Variants in PSMC2 observed in about 807,000 individuals in gnomAD.
The protein encoded by PSMC2 is 26S proteasome regulatory subunit 7.
In PSMC2, 7 loss-of-function variants were observed where a neutral mutation model predicts 53.3. The ratio of observed to expected loss-of-function variants is 0.13; its 90% CI spans 0.07 to 0.25. The LOEUF is 0.25. PSMC2 is among the 10% of genes least tolerant of loss of function. The pLI, the probability that PSMC2 is intolerant of heterozygous loss-of-function variation, is 1.00. For missense variants in PSMC2, 241 were observed against 544.0 expected (o/e 0.44, Z 5.54); for synonymous variants, 169 against 183.9 (o/e 0.92, Z 0.66).
chr7:103,357,593 C>T (rs1820109916), intron 4 of PSMC2, among the ~76,000 whole-genome samples: 1 of 152,144 alleles, frequency 6.6e-6, no homozygotes, highest in Non-Finnish European at 1.5e-5. Context: ...GAAGGCACAC[C>T]TTTCCTATCC....
At position 103,363,325 on chromosome 7, in the gene PSMC2, A is replaced by G. The variant is rs1212665031; in HGVS notation, c.496-19A>G. 1.3e-6 allele frequency: 2 copies of G among 1,583,998 alleles called. No homozygotes were observed. Among genetic ancestry groups the G allele is most frequent in the South Asian group, 2.2e-5 (2 of 90,436 alleles). On this transcript the variant is annotated intron_variant, in intron 6 of 11. Transcript: ENST00000292644. ...AAAAGCCTGTGACTGTATGTTGTAC[A>G]TTTCTGTCCCTCTCTTAGGTGGAAG...
At chr7:103,361,540 C>T (rs1401169644) in intron 4 of PSMC2, among the ~76,000 whole-genome samples, 3 of 132,396 alleles carry the variant, frequency 2.3e-5, no homozygotes, top group African/African-American at 8.7e-5. Context: ...AAAAGAAAAA[C>T]GGATTTAAAG....
intron 8 of PSMC2, among the ~76,000 whole-genome samples, chr7:103,365,372 C>T (rs969777167): frequency 2.0e-5 from 3 of 152,178 alleles, no homozygotes; most frequent in African/African-American, 7.2e-5. Flanking sequence ...TGGCTCATGC[C>T]TGTAATCCTA....
chr7:103,368,936 T>TA lies in PSMC2; in HGVS notation c.*886dup, dbSNP rs1434388989. The TA allele has an allele frequency of 6.6e-6, 1 of 152,172 alleles. No homozygotes were observed. The allele number at this position is 152,172 out of a possible 1,614,324, so 9.4% of individuals were successfully genotyped here. ...TATATTAGAATCCTCAACATCTCTT[T>TA]AAAATTACCTCCTGTGTAACCACCA... On this transcript the variant is annotated 3_prime_UTR_variant, in exon 12 of 12. Coordinates refer to ENST00000292644, the MANE Select transcript of PSMC2 (RefSeq NM_002803.4).
chr7:103,351,490 T>G (rs929652596), intron 1 of PSMC2, among the ~76,000 whole-genome samples: 1 of 152,236 alleles, frequency 6.6e-6, no homozygotes, highest in East Asian at 1.9e-4. Context: ...GTTGGTAATG[T>G]AGGCATCTCT....
intron 8 of PSMC2, among the ~76,000 whole-genome samples, chr7:103,365,253 A>T (rs1419962828): frequency 6.6e-6 from 1 of 152,142 alleles, no homozygotes; most frequent in East Asian, 1.9e-4. Context: ...TTTAATAGAT[A>T]CAGAATCATG....
intron 1 of PSMC2, among the ~76,000 whole-genome samples, chr7:103,349,183 A>G (rs1363742398): frequency 1.3e-5 from 2 of 152,026 alleles, no homozygotes; most frequent in African/African-American, 4.8e-5. Context: ...ACCCTTCTCC[A>G]TTTACACTGT....
At chr7:103,353,849 C>T in intron 1 of PSMC2, 72 bp from the exon 2 acceptor site, 6 of 1,283,238 alleles carry the variant, frequency 4.7e-6, no homozygotes, top group Non-Finnish European at 1.1e-6. Context: ...AGAAAAAAAG[C>T]TCTAGTTTCT....
At position 103,358,592 on chromosome 7, in the gene PSMC2, G is replaced by A. The variant is rs1480114879; in HGVS notation, c.290+2799G>A. ...TTTTTTTCCTCCCATTTTTCTTCTC[G>A]TAGGTTTTTAATTTCTCAGGTAAAA... is the stretch of plus-strand genomic sequence containing the variant. On this transcript the variant is annotated intron_variant, in intron 4 of 11. Coordinates refer to ENST00000292644, the MANE Select transcript of PSMC2 (RefSeq NM_002803.4). 3.3e-5 allele frequency among the ~76,000 whole-genome samples: 5 copies of A among 150,522 alleles called. No individual in the cohort carries two copies. In the East Asian group the frequency reaches 7.7e-4, roughly 23 times the overall value.
intron 2 of PSMC2, among the ~76,000 whole-genome samples, chr7:103,354,224 G>A (rs1471439772): frequency 2.0e-5 from 3 of 152,014 alleles, no homozygotes; most frequent in South Asian, 2.1e-4. Context: ...AATACTATTC[G>A]TGATTAAAAT....
intron 4 of PSMC2, among the ~76,000 whole-genome samples, chr7:103,356,170 A>C (rs1011538080): frequency 6.7e-6 from 1 of 150,280 alleles, no homozygotes; most frequent in African/African-American, 2.4e-5. Context: ...TTTTTTTTAG[A>C]TATAACTACA....
At chr7:103,354,430 G>A (rs900775734) in intron 2 of PSMC2, among the ~76,000 whole-genome samples, 4 of 148,656 alleles carry the variant, frequency 2.7e-5, no homozygotes, top group African/African-American at 5.0e-5. Context: ...GTGCAATGGC[G>A]CGATCTTGGT....
chr7:103,353,237 T>C (rs1819827762), intron 1 of PSMC2, among the ~76,000 whole-genome samples: 3 of 152,226 alleles, frequency 2.0e-5, no homozygotes, highest in African/African-American at 7.2e-5. Flanking sequence ...CCTGATTCAC[T>C]GAATAGCATT....
chr7:103,348,360 A>G (rs1048174355), intron 1 of PSMC2, among the ~76,000 whole-genome samples: 7 of 152,086 alleles, frequency 4.6e-5, no homozygotes, highest in Non-Finnish European at 8.8e-5. Context: ...GTGCTTATCT[A>G]TTCCTTTTTT....
Position 103,355,802 on chromosome 7 carries a change from G to A in PSMC2, c.290+9G>A. The A allele has an allele frequency of 1.3e-6, 2 of 1,595,138 alleles. No homozygotes were observed. Among genetic ancestry groups the A allele is most frequent in the Non-Finnish European group, 1.7e-6 (2 of 1,164,266 alleles). ...CCTTTACAGGTTGCCAGGTATGCAC[G>A]GGTGCTCTGTGGCAACTTACCTTTG... On this transcript the variant is annotated intron_variant, in intron 4 of 11. Coordinates refer to ENST00000292644, the MANE Select transcript of PSMC2 (RefSeq NM_002803.4).
chr7:103,354,390 C>T (rs1372686593), intron 2 of PSMC2, among the ~76,000 whole-genome samples: 5 of 113,144 alleles, frequency 4.4e-5, no homozygotes, highest in African/African-American at 6.8e-5. Context: ...TTTTTTGAAA[C>T]GGAGTGTTGC....
intron 2 of PSMC2, 94 bp from the exon 3 acceptor site, chr7:103,354,774 T>C: frequency 1.3e-6 from 1 of 755,070 alleles, no homozygotes; most frequent in South Asian, 1.6e-5. Context: ...TAATGATAGC[T>C]ATTGAAATTG....
chr7:103,364,237 T>C lies in PSMC2; in HGVS notation c.686T>C (p.Val229Ala). 6.2e-7 allele frequency: 1 copy of C among 1,614,214 alleles called. No individual in the cohort carries two copies. Among genetic ancestry groups the C allele is most frequent in the Non-Finnish European group, 8.5e-7 (1 of 1,180,036 alleles). Residue 229 changes from valine (V) to alanine (A), a missense_variant, in exon 8 of 12, where the codon GTT becomes GCT. Val to Ala is a moderately conservative substitution (Grantham distance 64). This residue lies in a region of PSMC2 where 26 missense variants were observed against 104.7 expected (regional missense o/e 0.25). Coordinates refer to ENST00000292644, the MANE Select transcript of PSMC2 (RefSeq NM_002803.4). Reference protein sequence around the residue: ...GTGKTLCARAVANRTDACFIR... With the variant: ...GTGKTLCARAAANRTDACFIR... ...GGCAAGACACTCTGTGCGCGGGCAG[T>C]TGCTAATCGGACTGATGCGTGCTTC... is the stretch of plus-strand genomic sequence containing the variant.
At position 103,362,668 on chromosome 7, in the gene PSMC2, T is replaced by C. The variant is rs1162549785; in HGVS notation, c.423-18T>C. On this transcript the variant is annotated intron_variant, in intron 5 of 11. Coordinates refer to ENST00000292644, the MANE Select transcript of PSMC2 (RefSeq NM_002803.4). Reference sequence around the variant, plus strand: ...AGCTTAAAGAATGTATTAATGACTATCTTTTTTACTTCCTTAGCGTGGATA... The same window carrying C: ...AGCTTAAAGAATGTATTAATGACTACCTTTTTTACTTCCTTAGCGTGGATA... 6.3e-7 allele frequency: 1 copy of C among 1,583,548 alleles called. No individual in the cohort carries two copies. Among genetic ancestry groups the C allele is most frequent in the East Asian group, 2.2e-5 (1 of 44,682 alleles).
Sources: allele counts gnomAD v4.1 joint callset (sites outside exome capture counted in the v4.1 genomes callset), GRCh38; gene constraint gnomAD v4.1.1; regional missense constraint gnomAD v4.1.1; transcripts MANE v1.5; gene names NCBI Gene and HGNC (gene_info 2026-07-23, HGNC 2026-07-21).